B3GLCT: variants seen among roughly 807,000 people sequenced by gnomAD.
The protein encoded by B3GLCT is beta 3-glucosyltransferase, also known as beta-1,3-glucosyltransferase.
Under a neutral mutation model 63.4 loss-of-function variants are expected in B3GLCT, and 65 were observed. The observed-to-expected ratio is 1.03, with a 90% confidence interval of 0.84 to 1.26. The LOEUF is 1.26. Ranked by LOEUF, B3GLCT falls within the 50% of genes most tolerant of loss-of-function variation. The pLI, the probability that B3GLCT is intolerant of heterozygous loss-of-function variation, is 0.00. For missense variants in B3GLCT, 577 were observed against 604.8 expected (o/e 0.95, Z 0.48); for synonymous variants, 233 against 219.2 (o/e 1.06, Z -0.55).
chr13:31,266,330 A>G (rs1220690990), intron 7 of B3GLCT, among the ~76,000 whole-genome samples: 2 of 152,126 alleles, frequency 1.3e-5, no homozygotes, highest in Admixed American at 6.5e-5. Context: ...ACCCGGCCCA[A>G]TAATTCTAAA....
chr13:31,301,794 G>A (rs983971833), intron 12 of B3GLCT, among the ~76,000 whole-genome samples: 2 of 152,068 alleles, frequency 1.3e-5, no homozygotes, highest in Non-Finnish European at 2.9e-5. Context: ...AACTGGTTTG[G>A]GCCCTTAAAT....
In B3GLCT at chr13:31,331,944, G is replaced by A. The variant is rs915157579; in HGVS notation, c.*2276G>A. ...ACTGGAATGTCATTTTTGCTTTTAAGCCATTTCTGATGATATAGCCAAAGC... is the reference window on the plus strand; with the variant it reads ...ACTGGAATGTCATTTTTGCTTTTAAACCATTTCTGATGATATAGCCAAAGC... On this transcript the variant is annotated 3_prime_UTR_variant, in exon 15 of 15. Transcript: ENST00000343307. 11 of 152,168 alleles carry A rather than the reference G, an allele frequency of 7.2e-5. No homozygotes were observed. The highest frequency in any genetic ancestry group is 2.7e-4 in the African/African-American group (11 of 41,450). 9.4% of individuals were successfully genotyped at this position (152,168 alleles called of 1,614,324 possible).
Position 31,276,743 on chromosome 13 carries a change from A to C in B3GLCT, c.822A>C (p.Lys274Asn). ...VKKKDIFVAV[K>N]TCKKFHGDRI... Reference sequence around the variant, plus strand: ...AGAAGGATATTTTTGTTGCAGTAAAAACATGCAAGAAATTTCATGGTGACA... The same window carrying C: ...AGAAGGATATTTTTGTTGCAGTAAACACATGCAAGAAATTTCATGGTGACA... Residue 274 changes from lysine to asparagine, a missense_variant, in exon 10 of 15, where the codon AAA becomes AAC. Lys to Asn is a moderately conservative substitution (Grantham distance 94). Transcript: ENST00000343307. The C allele has an allele frequency of 6.2e-7, 1 of 1,613,282 alleles. No homozygotes were observed. The highest frequency in any genetic ancestry group is 2.2e-5 in the East Asian group (1 of 44,866).
intron 4 of B3GLCT, 72 bp from the exon 5 acceptor site, chr13:31,246,948 TTTC>T (rs1451083361): frequency 9.5e-7 from 1 of 1,052,356 alleles, no homozygotes; most frequent in Non-Finnish European, 1.4e-6. Context: ...TTTCTTTTCT[TTTC>T]TTTTTTTTTT....
intron 1 of B3GLCT, among the ~76,000 whole-genome samples, chr13:31,214,444 C>T (rs1364611390): frequency 6.6e-6 from 1 of 152,308 alleles, no homozygotes; most frequent in East Asian, 1.9e-4. Flanking sequence ...GCTCTGACTC[C>T]AAACATTCAT....
intron 6 of B3GLCT, among the ~76,000 whole-genome samples, chr13:31,248,858 T>A (rs1871308622): frequency 6.6e-6 from 1 of 152,188 alleles, no homozygotes; most frequent in Admixed American, 6.5e-5. Context: ...AATAATCAGT[T>A]TTGCTGCTGG....
intron 14 of B3GLCT, among the ~76,000 whole-genome samples, chr13:31,325,169 A>G (rs1875543658): frequency 6.6e-6 from 1 of 152,192 alleles, no homozygotes; most frequent in African/African-American, 2.4e-5. Context: ...TTGAGACAAT[A>G]AGAGAGGATA....
rs1374684270 is a variant in B3GLCT at position 31,329,501 on chromosome 13, G to T, written c.1330G>T (p.Ala444Ser). The stretch of plus-strand genomic sequence containing the variant: ...GCCTAACTCTCTATTTTTCCTGCAG[G>T]CTCGGCCGGTGGATTACCCTAAGGA... ...PVTHSPLFHQ[A>S]RPVDYPKDYL... Residue 444 changes from alanine to serine, a missense_variant and splice_region_variant, in exon 15 of 15, where the codon GCT (alanine) becomes TCT (serine). Coordinates refer to ENST00000343307, the MANE Select transcript of B3GLCT (RefSeq NM_194318.4). 3 of 1,614,086 alleles carry T rather than the reference G, an allele frequency of 1.9e-6. No homozygotes were observed. Among genetic ancestry groups the T allele is most frequent in the South Asian group, 2.2e-5 (2 of 91,080 alleles).
At chr13:31,300,490 G>A (rs1410915849) in intron 12 of B3GLCT, among the ~76,000 whole-genome samples, 1 of 152,194 alleles carries the variant, frequency 6.6e-6, no homozygotes, top group Non-Finnish European at 1.5e-5. Context: ...ATTACTTAAA[G>A]TAGTCTCACT....
chr13:31,300,519 GT>G (rs779430402), intron 12 of B3GLCT, among the ~76,000 whole-genome samples: 1 of 152,106 alleles, frequency 6.6e-6, no homozygotes, highest in Non-Finnish European at 1.5e-5. Context: ...AGAGACTAGG[GT>G]TTTTTGGATA....
chr13:31,239,326 GGAAGGGTAATGTGAAGTGATCGA>G (rs1416986818), intron 4 of B3GLCT, among the ~76,000 whole-genome samples: 1 of 152,156 alleles, frequency 6.6e-6, no homozygotes, highest in East Asian at 1.9e-4. Flanking sequence ...TATCACAGAT[GGAAGGGTAATGTGAAGTGATCGA>G]GACTGACTAT....
chr13:31,299,381 CT>C (rs1874114601), intron 12 of B3GLCT, among the ~76,000 whole-genome samples: 1 of 152,088 alleles, frequency 6.6e-6, no homozygotes, highest in African/African-American at 2.4e-5. Context: ...GCAATATCTT[CT>C]GTTTAGTTGT....
intron 2 of B3GLCT, among the ~76,000 whole-genome samples, chr13:31,222,509 T>C (rs1052797602): frequency 1.3e-5 from 2 of 152,226 alleles, no homozygotes; most frequent in African/African-American, 4.8e-5. Flanking sequence ...ACCCAAAAGA[T>C]GATAAAGTGC....
In B3GLCT at chr13:31,253,786, A is replaced by G. The variant is rs1401699836; in HGVS notation, c.459+5820A>G. On this transcript the variant is annotated intron_variant, in intron 6 of 14. Transcript: ENST00000343307. Reference sequence around the variant, plus strand: ...AGATCAACAAAATTGATAGACTGCTAGCCAGACTAATAAAGAAGAAAAGAG... The same window carrying G: ...AGATCAACAAAATTGATAGACTGCTGGCCAGACTAATAAAGAAGAAAAGAG... Among the ~76,000 whole-genome samples, 4 of 152,026 alleles carry G rather than the reference A, an allele frequency of 2.6e-5. No homozygotes were observed. In the East Asian group the frequency reaches 7.7e-4, roughly 29 times the overall value.
chr13:31,328,550 A>G (rs1875748524), intron 14 of B3GLCT, among the ~76,000 whole-genome samples: 1 of 151,956 alleles, frequency 6.6e-6, no homozygotes, highest in East Asian at 1.9e-4. Context: ...AAAATTAGCC[A>G]GGCATGGTAG....
chr13:31,285,038 G>A (rs766891621), intron 11 of B3GLCT, among the ~76,000 whole-genome samples: 6 of 152,156 alleles, frequency 3.9e-5, no homozygotes, highest in Non-Finnish European at 8.8e-5. Flanking sequence ...AATTCTTTGC[G>A]ACCATGATGG....
chr13:31,204,959 A>G (rs1038324657), intron 1 of B3GLCT, among the ~76,000 whole-genome samples: 13 of 152,338 alleles, frequency 8.5e-5, no homozygotes, highest in Admixed American at 2.6e-4. Flanking sequence ...ATGTGGTTCA[A>G]TGTACATAAC....
At chr13:31,201,089 A>T (rs1005152964) in intron 1 of B3GLCT, among the ~76,000 whole-genome samples, 12 of 149,146 alleles carry the variant, frequency 8.0e-5, no homozygotes, top group African/African-American at 2.7e-4. Context: ...GCGAAAAATT[A>T]TTTTTTTTTC....
At chr13:31,324,096 CAA>C (rs1875485015) in intron 14 of B3GLCT, among the ~76,000 whole-genome samples, 1 of 152,156 alleles carries the variant, frequency 6.6e-6, no homozygotes, top group Non-Finnish European at 1.5e-5. Context: ...AGATGGGAGG[CAA>C]AAACGTCTCG....
Sources: allele counts gnomAD v4.1 joint callset (sites outside exome capture counted in the v4.1 genomes callset), GRCh38; gene constraint gnomAD v4.1.1; transcripts MANE v1.5; gene names NCBI Gene and HGNC (gene_info 2026-07-23, HGNC 2026-07-21).